The following POLH variants were observed in gnomAD, a reference collection of about 807,000 sequenced individuals.
The protein encoded by POLH is DNA polymerase eta transcript.
Under a neutral mutation model 73.6 loss-of-function variants are expected in POLH, and 53 were observed. The observed-to-expected ratio is 0.72, with a 90% CI of 0.58 to 0.91. The LOEUF is 0.91. Among genes scored for constraint, POLH ranks in the 40% least tolerant of loss-of-function variants. The pLI is 0.00. For synonymous variants in POLH, 292 were observed against 308.5 expected, an observed-to-expected ratio of 0.95 and a Z score of 0.56; for missense variants, 768 against 865.4, an observed-to-expected ratio of 0.89 and a Z score of 1.41.
At chr6:43,610,802 T>TA in intron 10 of POLH, 79 bp downstream of exon 10, 1 of 1,208,722 alleles carries the variant, frequency 8.3e-7, no homozygotes, top group Admixed American at 1.9e-5. Flanking sequence ...ACATAATTTT[T>TA]ATCATAAAGT....
At chr6:43,587,073 A>G (rs1764903690) in intron 3 of POLH, among the ~76,000 whole-genome samples, 199 bp from the exon 4 acceptor site, 1 of 151,996 alleles carries the variant, frequency 6.6e-6, no homozygotes, top group South Asian at 2.1e-4. Context: ...TGCCTCCGTG[A>G]TTCTTCCTTT....
rs892244065 is a variant in POLH, at chr6:43,576,228, C to A, written c.-217C>A. 3 of 188,896 alleles carry A rather than the reference C, an allele frequency of 1.6e-5. No homozygotes were observed. The highest frequency in any genetic ancestry group is 3.2e-5 in the Non-Finnish European group (3 of 92,726). 11.7% of individuals were successfully genotyped at this position (188,896 alleles called of 1,614,324 possible). A position where few individuals can be genotyped will look rare whatever the true frequency, so the allele number is the denominator to read the frequency against. On this transcript the variant is annotated 5_prime_UTR_variant, in exon 1 of 11. Transcript: ENST00000372236. ...CTGGGCGCGCCGCTCTCGTCTGATC[C>A]CTGCTGGGGACGGTTGCCCGGGCAG...
chr6:43,614,217 G>C lies in POLH; in HGVS notation c.1802G>C (p.Ser601Thr), dbSNP rs1554141932. Residue 601 changes from serine to threonine, a missense_variant, in exon 11 of 11, where the codon AGC becomes ACC. Transcript: ENST00000372236. ...GCAGAGATGGATTTGGCCCACAACA[G>C]CCAAAGCATGCACGCCTCTTCAGCT... ...TPAEMDLAHN[S>T]QSMHASSASK... is the part of the protein sequence containing the mutation. 7 of 1,612,068 alleles carry C rather than the reference G, an allele frequency of 4.3e-6. No homozygotes were observed. The highest frequency in any genetic ancestry group is 5.1e-6 in the Non-Finnish European group (6 of 1,178,432).
chr6:43,585,996 T>TAA (rs563791868), intron 3 of POLH, among the ~76,000 whole-genome samples: 2 of 143,472 alleles, frequency 1.4e-5, no homozygotes, highest in Admixed American at 7.0e-5. Flanking sequence ...AATAATGATT[T>TAA]AAAAAAAAAA....
rs1481975998 is a variant in POLH at position 43,619,502 on chromosome 6, TG to T, written c.*4947del. 1.3e-5 allele frequency among the ~76,000 whole-genome samples: 2 copies of T among 152,108 alleles called. No individual in the cohort carries two copies. The highest frequency in any genetic ancestry group is 2.9e-5 in the Non-Finnish European group (2 of 68,018). On this transcript the variant is annotated 3_prime_UTR_variant, in exon 11 of 11. Transcript: ENST00000372236. ...GCACATGATAGGTGCTGATACTCAT[TG>T]GATGAATGTATATAGTGAAGAATTT...
chr6:43,585,712 C>T (rs1049160338), intron 3 of POLH, among the ~76,000 whole-genome samples: 1 of 145,356 alleles, frequency 6.9e-6, no homozygotes, highest in East Asian at 2.0e-4. Context: ...ATGGTGCAAT[C>T]TCGGCTCACC....
At chr6:43,579,683 G>A (rs1487524190) in intron 1 of POLH, among the ~76,000 whole-genome samples, 1 of 152,198 alleles carries the variant, frequency 6.6e-6, no homozygotes, top group East Asian at 1.9e-4. Flanking sequence ...CCTGTGGCTT[G>A]TGATTGGCAT....
intron 6 of POLH, among the ~76,000 whole-genome samples, chr6:43,602,983 G>A (rs1159143970): frequency 6.8e-6 from 1 of 146,444 alleles, no homozygotes; most frequent in Non-Finnish European, 1.5e-5. Context: ...TTTATATTTA[G>A]GTTATGTATT....
chr6:43,592,399 A>ATCT, intron 4 of POLH, among the ~76,000 whole-genome samples: 1 of 144,170 alleles, frequency 6.9e-6, no homozygotes, highest in African/African-American at 2.6e-5. Flanking sequence ...GCAGCTTTGT[A>ATCT]TCTTCTTTTT....
At chr6:43,590,401 T>G (rs2127783707) in intron 4 of POLH, among the ~76,000 whole-genome samples, 1 of 151,252 alleles carries the variant, frequency 6.6e-6, no homozygotes, top group Middle Eastern at 3.5e-3. Context: ...TAATGTTAGA[T>G]TATGATAGTC....
In POLH at chr6:43,610,654, C is replaced by A; in HGVS notation, c.1175C>A (p.Ala392Asp). The A allele has an allele frequency of 6.2e-7, 1 of 1,613,744 alleles. No homozygotes were observed. The highest frequency in any genetic ancestry group is 8.5e-7 in the Non-Finnish European group (1 of 1,179,870). ...RRCCALTRYD[A>D]HKMSHDAFTV... ...TGCTGTGCCCTTACCCGCTATGATG[C>A]TCACAAGATGAGCCATGATGCATTT... Residue 392 changes from alanine (A) to aspartate (D), a missense_variant, in exon 10 of 11, where the codon GCT becomes GAT. Transcript: ENST00000372236.
chr6:43,579,836 A>G (rs1763808756), intron 1 of POLH, among the ~76,000 whole-genome samples: 1 of 151,904 alleles, frequency 6.6e-6, no homozygotes, highest in African/African-American at 2.4e-5. Context: ...GTTGGTGGGG[A>G]GAAATCCTCA....
At chr6:43,582,043 A>G (rs55722298) in intron 1 of POLH, among the ~76,000 whole-genome samples, 102 of 152,364 alleles carry the variant, frequency 6.7e-4, no homozygotes, top group African/African-American at 2.4e-3. Flanking sequence ...AGAGCATTGT[A>G]GGTTTAGGAT....
At chr6:43,593,283 G>A (rs934427666) in intron 4 of POLH, among the ~76,000 whole-genome samples, 4 of 152,152 alleles carry the variant, frequency 2.6e-5, no homozygotes, top group African/African-American at 7.2e-5. Flanking sequence ...CCAAATTGAC[G>A]TATAGATTCA....
rs1372655968 is a variant in POLH at position 43,619,262 on chromosome 6, G to A, written c.*4705G>A. ...GCCTGTAGTCGTACCTACTCAGGAG[G>A]CTGAGGTTGGGAGGATCACCTGAAT... On this transcript the variant is annotated 3_prime_UTR_variant, in exon 11 of 11. Transcript: ENST00000372236. Among the ~76,000 whole-genome samples the A allele has an allele frequency of 1.3e-5, 2 of 150,644 alleles. No homozygotes were observed.
rs1161447888 is a variant in POLH at position 43,600,983 on chromosome 6, T to C, written c.661-5T>C. On this transcript the variant is annotated splice_region_variant and splice_polypyrimidine_tract_variant and intron_variant, in intron 5 of 10. Coordinates refer to ENST00000372236, the MANE Select transcript of POLH (RefSeq NM_006502.3). ...ATGAGGTTTTTATACTTTGCATGCT[T>C]CCAGGTCCTGGCAAAACTGGCCTGT... 6.2e-7 allele frequency: 1 copy of C among 1,609,208 alleles called. No individual in the cohort carries two copies. The highest frequency in any genetic ancestry group is 1.3e-5 in the African/African-American group (1 of 74,828).
At chr6:43,577,913 T>C (rs985683078) in intron 1 of POLH, among the ~76,000 whole-genome samples, 4 of 148,454 alleles carry the variant, frequency 2.7e-5, no homozygotes, top group African/African-American at 1.0e-4. Context: ...TGAAACCCCG[T>C]CTCTACTAAA....
intron 4 of POLH, among the ~76,000 whole-genome samples, chr6:43,587,989 C>T (rs568032397): frequency 9.4e-5 from 14 of 149,046 alleles, no homozygotes; most frequent in Admixed American, 6.0e-4. Context: ...GCCGAGATCT[C>T]GCCACTGCAC....
chr6:43,599,759 A>G lies in POLH; in HGVS notation c.661-1229A>G, dbSNP rs181803496. Among the ~76,000 whole-genome samples the G allele has an allele frequency of 2.0e-5, 3 of 151,356 alleles. No individual in the cohort carries two copies. The East Asian group carries it at 5.8e-4, about 29-fold the overall frequency. On this transcript the variant is annotated intron_variant, in intron 5 of 10. Transcript: ENST00000372236. ...TCTCTCTAATGAATTTAATAATTTT[A>G]TATTTTAAAACATACAAATATAATT...
Sources: allele counts gnomAD v4.1 joint callset (sites outside exome capture counted in the v4.1 genomes callset), GRCh38; gene constraint gnomAD v4.1.1; transcripts MANE v1.5; gene names NCBI Gene and HGNC (gene_info 2026-07-23, HGNC 2026-07-21).